The following FLNA variants were observed in gnomAD, a reference collection of about 807,000 sequenced individuals.
FLNA encodes the protein filamin A.
FLNA carries 7 observed loss-of-function variants against 157.6 expected under a neutral mutation model. The observed-to-expected ratio is 0.04, with a 90% confidence interval of 0.03 to 0.08. The LOEUF (loss-of-function observed/expected upper bound fraction) is 0.08, where lower values mean the gene tolerates loss of function less well. Ranked by LOEUF, FLNA falls within the 10% of genes least tolerant of loss-of-function variation. The pLI, the probability that FLNA is intolerant of heterozygous loss-of-function variation, is 1.00. For synonymous variants in FLNA, 1,103 were observed against 1,060.8 expected (o/e 1.04, Z -0.77); for missense variants, 1,750 against 2,398.4 (o/e 0.73, Z 5.65).
At chrX:154,355,958 G>A (rs781934597) in intron 30 of FLNA, among the ~76,000 whole-genome samples, 16 of 112,875 alleles carry the variant, frequency 1.4e-4, no homozygotes, top group African/African-American at 4.2e-4. Context: ...TGAAGGCCAA[G>A]CTCGAGGGGC....
rs782298104 is a variant in FLNA at position 154,354,790 on chromosome X, A to T, written c.5217+35T>A. 2.5e-6 allele frequency: 3 copies of T among 1,210,961 alleles called. No individual in the cohort carries two copies. The South Asian group carries it at 5.3e-5, about 21-fold the overall frequency. ...AGGGGAACAGGCCGGGACCTGCCAG[A>T]CACCCCTGCTGACCTACCCCCCACC... On this transcript the variant is annotated intron_variant, in intron 31 of 47. Transcript: ENST00000369850.
intron 29 of FLNA, 21 bp downstream of exon 29, chrX:154,357,413 G>A (rs376454716): frequency 3.4e-4 from 407 of 1,202,633 alleles, no homozygotes; most frequent in Non-Finnish European, 4.5e-4. Flanking sequence ...CGCCGCAGCG[G>A]CCAACAGCGG....
At position 154,354,939 on chromosome X, in the gene FLNA, C is replaced by T. The variant is rs2067651423; in HGVS notation, c.5103G>A (p.Val1701=). The part of the protein sequence containing the change: ...PDGSEVDVDV[V]ENEDGTFDIF... ...TGTCGAAAGTGCCGTCCTCATTCTC[C>T]ACCACGTCCACATCCACCTCTGAGC... The change falls in exon 31 of 48, where the codon GTG becomes GTA. Residue 1701 remains valine (V), a synonymous_variant. Coordinates refer to ENST00000369850, the MANE Select transcript of FLNA (RefSeq NM_001110556.2). 7 of 1,212,252 alleles carry T rather than the reference C, an allele frequency of 5.8e-6. No individual in the cohort carries two copies. The highest frequency in any genetic ancestry group is 1.8e-5 in the South Asian group (1 of 57,081).
At chrX:154,365,961 C>A in intron 9 of FLNA, 63 bp downstream of exon 9, 2 of 1,077,942 alleles carry the variant, frequency 1.9e-6, no homozygotes, top group Non-Finnish European at 1.3e-6. Context: ...CCCAGGGGGT[C>A]CCCCTCCTGT....
At position 154,359,505 on chromosome X, in the gene FLNA, T is replaced by C. The variant is rs2067687994; in HGVS notation, c.4121A>G (p.Asn1374Ser). The C allele has an allele frequency of 1.7e-6, 2 of 1,211,463 alleles. No homozygotes were observed. The highest frequency in any genetic ancestry group is 1.8e-5 in the South Asian group (1 of 56,992). ...GIQSGTTNKPNKFTVETRGAG... is the reference protein window; with the variant it reads ...GIQSGTTNKPSKFTVETRGAG... ...TTACCTGGTCTCCACAGTGAACTTG[T>C]TGGGCTTGTTGGTGGTGCCACTTTG... is the stretch of plus-strand genomic sequence containing the variant. Residue 1374 changes from asparagine to serine, a missense_variant, in exon 24 of 48, where the codon AAC becomes AGC. Physicochemically the swap from Asn to Ser is conservative, Grantham distance 46. Coordinates refer to ENST00000369850, the MANE Select transcript of FLNA (RefSeq NM_001110556.2).
At chrX:154,353,871 G>A in intron 35 of FLNA, 44 bp downstream of exon 35, 1 of 1,208,221 alleles carries the variant, frequency 8.3e-7, no homozygotes, top group East Asian at 3.0e-5. Flanking sequence ...CCCGGTGAGG[G>A]CATCCCGGGC....
At chrX:154,364,491 G>A in intron 13 of FLNA, 35 bp downstream of exon 13, 1 of 1,202,790 alleles carries the variant, frequency 8.3e-7, no homozygotes, top group Non-Finnish European at 1.1e-6. Context: ...AGGAGCAGCA[G>A]GGCGAGACTT....
At chrX:154,351,232 A>T (rs979975574) in intron 43 of FLNA, 191 bp from the exon 44 acceptor site, 2 of 479,809 alleles carry the variant, frequency 4.2e-6, no homozygotes, top group Non-Finnish European at 7.3e-6. Flanking sequence ...CTGCCCCCAC[A>T]CTCTGCCGTC....
At chrX:154,369,612 G>A (rs1397344244) in intron 2 of FLNA, among the ~76,000 whole-genome samples, 1 of 110,492 alleles carries the variant, frequency 9.1e-6, no homozygotes, top group African/African-American at 3.3e-5. Flanking sequence ...TGGGAACTAG[G>A]CCTGCTCCAG....
rs1557177719 is a variant in FLNA, at chrX:154,360,180, G to C, written c.3615C>G (p.Ala1205=). 8.3e-7 allele frequency: 1 copy of C among 1,209,007 alleles called. No homozygotes were observed. The highest frequency in any genetic ancestry group is 3.0e-5 in the East Asian group (1 of 33,749). Residue 1205 remains alanine, a synonymous_variant, in exon 22 of 48, where the codon GCC becomes GCG. Coordinates refer to ENST00000369850, the MANE Select transcript of FLNA (RefSeq NM_001110556.2). The part of the protein sequence containing the change: ...IEICSEAGLP[A]EVYIQDHGDG... ...CACCGTGGTCCTGGATGTACACCTC[G>C]GCCGGAAGCCCCGCCTCCGAGCAGA...
Position 154,359,554 on chromosome X carries a change from C to G in FLNA, c.4072G>C (p.Val1358Leu). The change falls in exon 24 of 48, where the codon GTG becomes CTG. Residue 1358 changes from valine (V) to leucine (L), a missense_variant. By Grantham distance (32) the Val-to-Leu change is conservative (BLOSUM62 1). Transcript: ENST00000369850. ...TGGATGCCTGGCCCGTGGACACGCA[C>G]CCGGGAGGGGTCGCAGCCCTCGGTC... ...PVTEGCDPSR[V>L]RVHGPGIQSG... 8.3e-7 allele frequency: 1 copy of G among 1,211,252 alleles called. No homozygotes were observed. The highest frequency in any genetic ancestry group is 1.1e-6 in the Non-Finnish European group (1 of 895,431).
chrX:154,366,685 C>A, intron 6 of FLNA, 46 bp from the exon 7 acceptor site: 1 of 1,203,814 alleles, frequency 8.3e-7, no homozygotes, highest in Non-Finnish European at 1.1e-6. Context: ...AGCAGCCCCA[C>A]TGAAAGGGAG....
At chrX:154,369,422 C>T (rs1158359160) in intron 2 of FLNA, among the ~76,000 whole-genome samples, 2 of 112,292 alleles carry the variant, frequency 1.8e-5, no homozygotes, top group Non-Finnish European at 3.8e-5. Context: ...CAGCCTACTC[C>T]GTCCCCATCC....
chrX:154,366,976 G>A (rs1019955383), intron 5 of FLNA, 126 bp from the exon 6 acceptor site: 2 of 563,869 alleles, frequency 3.5e-6, no homozygotes, highest in Non-Finnish European at 6.1e-6. Context: ...TTCATTCAGT[G>A]TGAGCTGTGG....
intron 44 of FLNA, chrX:154,350,562 C>T (rs1463914033): frequency 3.9e-5 from 15 of 382,800 alleles, no homozygotes; most frequent in South Asian, 2.8e-4. Flanking sequence ...AGGACTAGGC[C>T]GTGAAATGAA....
chrX:154,372,889 T>C, intron 1 of FLNA, among the ~76,000 whole-genome samples: 1 of 112,401 alleles, frequency 8.9e-6, no homozygotes, highest in Non-Finnish European at 1.9e-5. Context: ...GGTGTCTACA[T>C]GACACGTGGT....
At chrX:154,368,696 C>T (rs1174379862) in intron 2 of FLNA, among the ~76,000 whole-genome samples, 1 of 112,993 alleles carries the variant, frequency 8.9e-6, no homozygotes, top group Non-Finnish European at 1.9e-5. Flanking sequence ...CCCCCACTTC[C>T]TCTACCACCT....
rs1557179119 is a variant in FLNA at position 154,366,004 on chromosome X, G to C, written c.1429+20C>G. 5.9e-6 allele frequency: 7 copies of C among 1,179,110 alleles called. No homozygotes were observed. The highest frequency in any genetic ancestry group is 8.0e-6 in the Non-Finnish European group (7 of 874,704). ...CCAGACTGCAGTGCCACAGCAGAGG[G>C]CAGTCAGGGCCGGGCCTACCTTGGC... On this transcript the variant is annotated intron_variant, in intron 9 of 47. Transcript: ENST00000369850.
chrX:154,364,497 G>A (rs2067740036), intron 13 of FLNA, 29 bp downstream of exon 13: 1 of 1,205,105 alleles, frequency 8.3e-7, no homozygotes, highest in African/African-American at 1.7e-5. Context: ...AGCAGGGCGA[G>A]ACTTAGGCCA....
Sources: gnomAD v4.1 joint callset for allele counts (sites outside exome capture counted in the v4.1 genomes callset) on GRCh38, gnomAD v4.1.1 for gene constraint, MANE v1.5 for transcripts, NCBI Gene and HGNC (gene_info 2026-07-23, HGNC 2026-07-21) for gene names.